The following PUDP variants were observed in gnomAD, a reference collection of about 807,000 sequenced individuals.
PUDP encodes the protein pseudouridine 5'-phosphatase.
A neutral mutation model predicts 9.4 loss-of-function variants in PUDP; 8 were observed. That is an observed-to-expected ratio of 0.85 (90% CI 0.50 to 1.53). The LOEUF (loss-of-function observed/expected upper bound fraction) is 1.53. Among genes scored for constraint, PUDP ranks in the 40% most tolerant of loss-of-function variants. The pLI is 0.00. For synonymous variants in PUDP, 99 were observed against 80.7 expected, an observed-to-expected ratio of 1.23 and a Z score of -1.22; for missense variants, 188 against 189.7, an observed-to-expected ratio of 0.99 and a Z score of 0.05.
intron 3 of PUDP, among the ~76,000 whole-genome samples, chrX:6,923,006 C>T (rs1473435506): frequency 8.9e-6 from 1 of 111,923 alleles, no homozygotes; most frequent in Non-Finnish European, 1.9e-5. Flanking sequence ...AACCCCCAAT[C>T]ACTTCCCCAC....
intron 3 of PUDP, among the ~76,000 whole-genome samples, chrX:6,789,453 T>C (rs1925702070): frequency 9.3e-6 from 1 of 107,433 alleles, no homozygotes; most frequent in African/African-American, 3.4e-5. Context: ...TTGCATTGTG[T>C]CCCAAGTTTA....
At chrX:7,094,359 T>G (rs1169955893) in intron 2 of PUDP, among the ~76,000 whole-genome samples, 1 of 102,526 alleles carries the variant, frequency 9.8e-6, no homozygotes, top group East Asian at 3.1e-4. Flanking sequence ...GCTGATTTTT[T>G]TTTTTTTTTT....
chrX:7,102,775 T>C (rs918037817), intron 2 of PUDP, among the ~76,000 whole-genome samples: 2 of 110,824 alleles, frequency 1.8e-5, no homozygotes, highest in East Asian at 2.8e-4. Context: ...CAAAAATCAG[T>C]TGCATTTTAA....
chrX:6,996,771 G>A (rs1018755234), intron 1 of PUDP, among the ~76,000 whole-genome samples: 1 of 106,568 alleles, frequency 9.4e-6, no homozygotes, highest in East Asian at 2.9e-4. Flanking sequence ...GGGTTCAAGT[G>A]ATTCTCCTGC....
intron 3 of PUDP, among the ~76,000 whole-genome samples, chrX:6,733,456 C>G (rs1333191254): frequency 1.8e-5 from 2 of 111,500 alleles, no homozygotes; most frequent in Non-Finnish European, 3.8e-5. Flanking sequence ...CTCATGGGGA[C>G]TCTGGCCTTG....
At chrX:6,807,717 G>T (rs765362991) in intron 3 of PUDP, among the ~76,000 whole-genome samples, 70 of 112,048 alleles carry the variant, frequency 6.2e-4, no homozygotes, top group South Asian at 1.9e-3. Context: ...CCAGCTGCCG[G>T]CCCAAAGATC....
At chrX:6,920,728 T>C (rs1223298961) in intron 3 of PUDP, among the ~76,000 whole-genome samples, 1 of 111,916 alleles carries the variant, frequency 8.9e-6, no homozygotes, top group Non-Finnish European at 1.9e-5. Context: ...TGATGTCTCA[T>C]GTCTCCTTAA....
intron 3 of PUDP, among the ~76,000 whole-genome samples, chrX:6,862,127 T>C (rs1389620304): frequency 1.8e-5 from 2 of 111,779 alleles, no homozygotes; most frequent in Non-Finnish European, 3.8e-5. Flanking sequence ...CCTTGATATA[T>C]TTATTTAGAG....
intron 3 of PUDP, among the ~76,000 whole-genome samples, chrX:6,790,634 T>C (rs893782845): frequency 6.2e-5 from 7 of 112,782 alleles, no homozygotes; most frequent in African/African-American, 2.3e-4. Flanking sequence ...ATGCATTGAT[T>C]ATCTGAAATC....
intron 3 of PUDP, among the ~76,000 whole-genome samples, chrX:6,828,774 G>A (rs1462292908): frequency 1.8e-5 from 2 of 111,671 alleles, no homozygotes; most frequent in East Asian, 2.8e-4. Context: ...GTGTCATACA[G>A]CTGGGCTCAT....
At chrX:7,107,255 C>T (rs1602791618) in intron 1 of PUDP, among the ~76,000 whole-genome samples, 1 of 111,901 alleles carries the variant, frequency 8.9e-6, no homozygotes, top group African/African-American at 3.3e-5. Context: ...AAAGAGCAGG[C>T]GATCTCAATG....
intron 3 of PUDP, among the ~76,000 whole-genome samples, chrX:6,914,989 G>A (rs1196472778): frequency 8.9e-6 from 1 of 112,075 alleles, no homozygotes; most frequent in Non-Finnish European, 1.9e-5. Context: ...GCATGTTGGT[G>A]TTCAATTTCC....
intron 3 of PUDP, among the ~76,000 whole-genome samples, chrX:6,789,279 G>C (rs943639342): frequency 1.1e-5 from 1 of 88,779 alleles, no homozygotes; most frequent in African/African-American, 4.2e-5. Flanking sequence ...AACAGAGCAA[G>C]ACTCTGTCTC....
rs867674497 is a variant in PUDP, at chrX:6,839,017, A to G, written c.*248-132551T>C. 9.0e-4 allele frequency among the ~76,000 whole-genome samples: 101 copies of G among 112,011 alleles called. 1 individual carries two copies. The highest frequency in any genetic ancestry group is 3.0e-3 in the African/African-American group (91 of 30,835). ...TATCTATGTCAAGTCTTTCTGACAA[A>G]TTGGTTCAGAGAATAAACACAACCA... On this transcript the variant is annotated intron_variant and NMD_transcript_variant, in intron 3 of 3. Coordinates refer to the PUDP transcript ENST00000655425.
chrX:7,057,784 A>G, intron 3 of PUDP: 2 of 1,155,012 alleles, frequency 1.7e-6, no homozygotes, highest in Non-Finnish European at 2.3e-6. Flanking sequence ...CAGCCCTGGC[A>G]TTTCTGTGCG....
At chrX:6,891,133 A>C (rs758207550) in intron 3 of PUDP, among the ~76,000 whole-genome samples, 1 of 109,892 alleles carries the variant, frequency 9.1e-6, no homozygotes, top group South Asian at 4.0e-4. Flanking sequence ...GTAAATAAAT[A>C]AATCAACAGA....
At chrX:6,738,295 G>C (rs1924897003) in intron 3 of PUDP, among the ~76,000 whole-genome samples, 1 of 111,677 alleles carries the variant, frequency 9.0e-6, no homozygotes, top group Non-Finnish European at 1.9e-5. Context: ...CAATGTAATG[G>C]AATCTGTTGG....
At chrX:6,968,777 AC>A (rs1333577609) in intron 3 of PUDP, among the ~76,000 whole-genome samples, 1 of 109,798 alleles carries the variant, frequency 9.1e-6, no homozygotes, top group Admixed American at 9.7e-5. Flanking sequence ...GTGCCACCAT[AC>A]CCAGCTAATT....
At chrX:7,057,700 G>A (rs947884342) in intron 3 of PUDP, 2 of 1,151,981 alleles carry the variant, frequency 1.7e-6, no homozygotes, top group Non-Finnish European at 2.3e-6. Flanking sequence ...GTGAGCTGGA[G>A]GTGCGGTCAG....
Sources: allele counts gnomAD v4.1 joint callset (sites outside exome capture counted in the v4.1 genomes callset), GRCh38; gene constraint gnomAD v4.1.1; transcripts MANE v1.5; gene names NCBI Gene and HGNC (gene_info 2026-07-23, HGNC 2026-07-21).